Variants in PPME1 observed in about 807,000 individuals in gnomAD.
The protein encoded by PPME1 is testicular secretory protein Li 39.
PPME1 carries 17 observed loss-of-function variants against 56.9 expected under a neutral mutation model. That is an observed-to-expected ratio of 0.30 (90% CI 0.20 to 0.45). PPME1 has a LOEUF of 0.45. Ranked by LOEUF, PPME1 falls within the 20% of genes least tolerant of loss-of-function variation. PPME1 has a pLI of 1.00. For missense variants in PPME1, 357 were observed against 483.2 expected, an observed-to-expected ratio of 0.74 and a Z score of 2.45; for synonymous variants, 122 against 156.2, an observed-to-expected ratio of 0.78 and a Z score of 1.63.
At chr11:74,229,084 C>G (rs760603738) in intron 5 of PPME1, among the ~76,000 whole-genome samples, 1 of 152,084 alleles carries the variant, frequency 6.6e-6, no homozygotes. Flanking sequence ...CCGAGGCTAC[C>G]CTATTCACTC....
intron 13 of PPME1, chr11:74,252,462 A>G (rs569196183): frequency 2.2e-6 from 1 of 456,166 alleles, no homozygotes; most frequent in South Asian, 1.6e-5. Context: ...CAAGCTGGGA[A>G]TGGAATGGGT....
intron 11 of PPME1, 28 bp downstream of exon 11, chr11:74,247,151 G>A (rs2135679234): frequency 1.3e-6 from 2 of 1,588,432 alleles, no homozygotes; most frequent in Non-Finnish European, 1.7e-6. Flanking sequence ...TATACCCCTG[G>A]ACCCTTTTCT....
At position 74,225,218 on chromosome 11, in the gene PPME1, C is replaced by G; in HGVS notation, c.360C>G (p.Val120=). The change falls in exon 5 of 14, where the codon GTC becomes GTG. Residue 120 remains valine (V), a synonymous_variant. Transcript: ENST00000328257. ...TTTTCATTTTAGGTGAAACAAAGGT[C>G]AAGAATCCTGAAGATCTGTCTGCAG... is the stretch of plus-strand genomic sequence containing the variant. ...LDLRSHGETK[V]KNPEDLSAET... The G allele has an allele frequency of 1.3e-6, 2 of 1,564,160 alleles. No homozygotes were observed. The highest frequency in any genetic ancestry group is 1.7e-6 in the Non-Finnish European group (2 of 1,152,208).
At chr11:74,243,740 C>T (rs1226053452) in intron 9 of PPME1, among the ~76,000 whole-genome samples, 1 of 151,562 alleles carries the variant, frequency 6.6e-6, no homozygotes, top group Admixed American at 6.6e-5. Context: ...TTCTTGATTT[C>T]CCATCTGGCG....
At chr11:74,215,152 C>T (rs1196781314) in intron 3 of PPME1, among the ~76,000 whole-genome samples, 1 of 152,104 alleles carries the variant, frequency 6.6e-6, no homozygotes, top group Non-Finnish European at 1.5e-5. Flanking sequence ...TTGAGACCAG[C>T]CTGGACAACA....
intron 3 of PPME1, among the ~76,000 whole-genome samples, chr11:74,219,899 A>G (rs1858752680): frequency 6.6e-6 from 1 of 152,126 alleles, no homozygotes; most frequent in African/African-American, 2.4e-5. Context: ...AAATAGCTAA[A>G]AGGGTATAGT....
chr11:74,206,186 A>G (rs111266471), intron 3 of PPME1, among the ~76,000 whole-genome samples: 125 of 152,294 alleles, frequency 8.2e-4, no homozygotes, highest in African/African-American at 2.6e-3. Context: ...TGCCTAGCAC[A>G]TATTGTATGC....
chr11:74,251,675 A>C lies in PPME1; in HGVS notation c.1102A>C (p.Ile368Leu). 6.2e-7 allele frequency: 1 copy of C among 1,613,880 alleles called. No individual in the cohort carries two copies. The highest frequency in any genetic ancestry group is 8.5e-7 in the Non-Finnish European group (1 of 1,179,834). ...AGCTGAAGCTGTTGCCACTTTCCTG[A>C]TCCGGCACAGGTTTGCAGAACCCAT... The part of the protein sequence containing the change: ...KVAEAVATFL[I>L]RHRFAEPIGG... Residue 368 changes from isoleucine to leucine, a missense_variant, in exon 13 of 14, where the codon ATC becomes CTC. Ile to Leu is a conservative substitution (Grantham distance 5, BLOSUM62 2). Transcript: ENST00000328257.
At chr11:74,176,302 T>A (rs1353313893) in intron 1 of PPME1, among the ~76,000 whole-genome samples, 1 of 152,194 alleles carries the variant, frequency 6.6e-6, no homozygotes, top group Non-Finnish European at 1.5e-5. Flanking sequence ...CTTAAATTTA[T>A]TATGGATATC....
In PPME1 at chr11:74,230,806, A is replaced by G. The variant is rs919740667; in HGVS notation, c.554-106A>G. 1 of 893,502 alleles carries G rather than the reference A, an allele frequency of 1.1e-6. No individual in the cohort carries two copies. The highest frequency in any genetic ancestry group is 1.6e-5 in the South Asian group (1 of 63,472). The allele number at this position is 893,502 out of a possible 1,614,324, so 55.3% of individuals were successfully genotyped here. On this transcript the variant is annotated intron_variant, in intron 6 of 13. Transcript: ENST00000328257. This position sits in a 1 kb window ranked among gnomAD's most constrained non-coding sequence, Gnocchi z 4.9. The stretch of plus-strand genomic sequence containing the variant: ...CCATCTTTATTTCTCTGCGAGCATC[A>G]CTAAATTCTGCTGTCATCAAGAGCA...
Position 74,230,523 on chromosome 11 carries a change from T to A in PPME1, c.553+124T>A. ...CTTGAAATATGTCCCTCTGTCTTTA[T>A]ATCTTTTTTAAGTTTATACAAGATA... On this transcript the variant is annotated intron_variant, in intron 6 of 13. Transcript: ENST00000328257. This position sits in a 1 kb window ranked among gnomAD's most constrained non-coding sequence, Gnocchi z 4.9. 8.4e-7 allele frequency: 1 copy of A among 1,189,264 alleles called. No individual in the cohort carries two copies. Among genetic ancestry groups the A allele is most frequent in the South Asian group, 1.4e-5 (1 of 72,420 alleles). The allele number at this position is 1,189,264 out of a possible 1,614,324, so 73.7% of individuals were successfully genotyped here.
At chr11:74,219,367 C>T (rs1023574476) in intron 3 of PPME1, among the ~76,000 whole-genome samples, 5 of 151,560 alleles carry the variant, frequency 3.3e-5, no homozygotes, top group South Asian at 2.1e-4. Flanking sequence ...ATAGAACTAC[C>T]GTATAATGCA....
chr11:74,242,046 C>T (rs1002017621), intron 9 of PPME1, among the ~76,000 whole-genome samples: 1 of 152,102 alleles, frequency 6.6e-6, no homozygotes, highest in African/African-American at 2.4e-5. Context: ...AAGTCTTTGC[C>T]TAAAAGTCAT....
chr11:74,184,967 A>G (rs1395007075), intron 1 of PPME1, among the ~76,000 whole-genome samples: 5 of 143,700 alleles, frequency 3.5e-5, no homozygotes, highest in Non-Finnish European at 7.7e-5. Flanking sequence ...AATGATATTT[A>G]CTGTTTGCTT....
intron 1 of PPME1, among the ~76,000 whole-genome samples, chr11:74,176,444 T>A (rs953685056): frequency 5.9e-5 from 9 of 152,206 alleles, no homozygotes; most frequent in Non-Finnish European, 8.8e-5. Flanking sequence ...TTTTTTTTTT[T>A]ATTTTTTCAT....
At chr11:74,198,950 A>G (rs1162879372) in intron 1 of PPME1, 2 of 152,218 alleles carry the variant, frequency 1.3e-5, no homozygotes, top group East Asian at 3.8e-4. Flanking sequence ...TATATTCCCC[A>G]TTTTATTAAG....
Position 74,251,478 on chromosome 11 carries a change from G to A in PPME1, c.1075-170G>A, listed in dbSNP as rs1296414079. 5 of 1,434,120 alleles carry A rather than the reference G, an allele frequency of 3.5e-6. No homozygotes were observed. In the East Asian group the frequency reaches 1.3e-4, roughly 36 times the overall value. 88.8% of individuals were successfully genotyped at this position (1,434,120 alleles called of 1,614,324 possible). A position where few individuals can be genotyped will look rare whatever the true frequency, so the allele number is the denominator to read the frequency against. ...TCCCTGGCAAGGATAGTGGGGAGGA[G>A]TCTTCTAGCTCTGCTAGGGAGGGCC... is the stretch of plus-strand genomic sequence containing the variant. On this transcript the variant is annotated intron_variant, in intron 12 of 13. Transcript: ENST00000328257.
At chr11:74,235,770 T>C (rs1168507410) in intron 7 of PPME1, 131 bp from the exon 8 acceptor site, 22 of 1,418,898 alleles carry the variant, frequency 1.6e-5, no homozygotes, top group Non-Finnish European at 2.1e-5. Flanking sequence ...GCAATCTCTA[T>C]AGTAAGAAAC....
At chr11:74,174,911 T>C (rs183459756) in intron 1 of PPME1, among the ~76,000 whole-genome samples, 1 of 152,342 alleles carries the variant, frequency 6.6e-6, no homozygotes, top group East Asian at 1.9e-4. Flanking sequence ...CTAGAATCCA[T>C]TCACTTTTCA....
Sources: allele counts gnomAD v4.1 joint callset (sites outside exome capture counted in the v4.1 genomes callset), GRCh38; gene constraint gnomAD v4.1.1; non-coding constraint Gnocchi (gnomAD v3.1); transcripts MANE v1.5; gene names NCBI Gene and HGNC (gene_info 2026-07-23, HGNC 2026-07-21).